RBFOX1: variants seen among roughly 807,000 people sequenced by gnomAD.
RBFOX1 encodes the protein RNA binding protein fox-1 homolog 1.
A neutral mutation model predicts 57.7 loss-of-function variants in RBFOX1; 8 were observed. That is an observed-to-expected ratio of 0.14 (90% CI 0.08 to 0.25). The LOEUF (loss-of-function observed/expected upper bound fraction) is 0.25, where lower values mean the gene tolerates loss of function less well. Ranked by LOEUF, RBFOX1 falls within the 10% of genes least tolerant of loss-of-function variation. RBFOX1 has a pLI of 1.00. For synonymous variants in RBFOX1, 326 were observed against 222.4 expected (o/e 1.47, Z -4.15); for missense variants, 611 against 548.5 (o/e 1.11, Z -1.14).
intron 1 of RBFOX1, among the ~76,000 whole-genome samples, chr16:6,286,245 C>T (rs920742690): frequency 6.6e-6 from 1 of 152,114 alleles, no homozygotes; most frequent in African/African-American, 2.4e-5. Context: ...CCAAAGGGCT[C>T]TGAATGCCAA....
chr16:5,922,665 A>T (rs1279821070), intron 4 of RBFOX1, among the ~76,000 whole-genome samples: 2 of 152,034 alleles, frequency 1.3e-5, no homozygotes, highest in Non-Finnish European at 2.9e-5. Context: ...GTAACCACCC[A>T]CCCTCATATA....
intron 4 of RBFOX1, among the ~76,000 whole-genome samples, chr16:7,324,979 C>G (rs960928373): frequency 1.3e-5 from 2 of 152,138 alleles, no homozygotes; most frequent in Non-Finnish European, 1.5e-5. Context: ...ATTCCTGGGT[C>G]TTAGTTTTTT....
intron 3 of RBFOX1, among the ~76,000 whole-genome samples, chr16:7,029,387 C>T (rs1177761419): frequency 6.6e-6 from 1 of 151,036 alleles, no homozygotes; most frequent in Non-Finnish European, 1.5e-5. Context: ...ATGCGTCACA[C>T]AGAAGAAACA....
intron 3 of RBFOX1, among the ~76,000 whole-genome samples, chr16:5,745,092 C>G (rs899671969): frequency 2.6e-5 from 4 of 152,198 alleles, no homozygotes; most frequent in Non-Finnish European, 4.4e-5. Context: ...ATCCCTCCCC[C>G]TTCCCCCACC....
intron 3 of RBFOX1, among the ~76,000 whole-genome samples, chr16:6,936,948 G>A (rs1234038246): frequency 2.6e-5 from 3 of 113,278 alleles, no homozygotes; most frequent in Non-Finnish European, 5.2e-5. Flanking sequence ...GTTGTGGGGT[G>A]GGGGGAGGGG....
intron 2 of RBFOX1, among the ~76,000 whole-genome samples, chr16:6,411,686 A>T (rs2093462559): frequency 3.3e-5 from 5 of 152,244 alleles, no homozygotes. Flanking sequence ...GTTACCTTGG[A>T]TGAGTCTAAC....
intron 3 of RBFOX1, among the ~76,000 whole-genome samples, chr16:6,824,997 T>TTTTTTTTTTTTTTTTTTTTG: frequency 9.0e-6 from 1 of 110,650 alleles, no homozygotes; most frequent in Non-Finnish European, 1.8e-5. Context: ...TTTTTTTTTT[T>TTTTTTTTTTTTTTTTTTTTG]TTTTTTTTTT....
chr16:7,291,936 T>A (rs1047286153), intron 4 of RBFOX1, among the ~76,000 whole-genome samples: 1 of 101,286 alleles, frequency 9.9e-6, no homozygotes, highest in East Asian at 3.0e-4. Flanking sequence ...GTATTTTATA[T>A]ATTATATATT....
intron 1 of RBFOX1, among the ~76,000 whole-genome samples, chr16:5,317,874 C>T (rs2064285344): frequency 6.6e-6 from 1 of 152,092 alleles, no homozygotes; most frequent in Admixed American, 6.5e-5. Flanking sequence ...TATTTATTTA[C>T]AAAATTTTTA....
At chr16:7,438,777 C>G (rs1198164293) in intron 4 of RBFOX1, among the ~76,000 whole-genome samples, 1 of 152,150 alleles carries the variant, frequency 6.6e-6, no homozygotes, top group South Asian at 2.1e-4. Flanking sequence ...GAGCGCCTGT[C>G]AATAATTCAA....
At chr16:6,827,852 C>T (rs2092343807) in intron 3 of RBFOX1, among the ~76,000 whole-genome samples, 1 of 152,208 alleles carries the variant, frequency 6.6e-6, no homozygotes, top group African/African-American at 2.4e-5. Context: ...TCCTTCTGTT[C>T]CCCCTCTTAG....
At chr16:7,702,621 G>C (rs72778521) in intron 14 of RBFOX1, among the ~76,000 whole-genome samples, 3 of 152,162 alleles carry the variant, frequency 2.0e-5, no homozygotes, top group African/African-American at 4.8e-5. Flanking sequence ...GAAGCCATGC[G>C]CCCTCCCCTT....
chr16:6,232,768 G>A (rs576109344), intron 1 of RBFOX1, among the ~76,000 whole-genome samples: 2 of 152,210 alleles, frequency 1.3e-5, no homozygotes, highest in South Asian at 2.1e-4. Flanking sequence ...CAGTGACCTC[G>A]AGGTCTTGCT....
intron 4 of RBFOX1, among the ~76,000 whole-genome samples, chr16:7,357,447 A>G (rs1206691386): frequency 2.0e-5 from 3 of 152,212 alleles, no homozygotes; most frequent in Non-Finnish European, 4.4e-5. Context: ...GGAACCATCC[A>G]GGTTTTTTCC....
intron 3 of RBFOX1, among the ~76,000 whole-genome samples, chr16:7,015,251 T>C (rs2153662412): frequency 6.6e-6 from 1 of 152,248 alleles, no homozygotes; most frequent in Admixed American, 6.5e-5. Context: ...GCTGAGGCTA[T>C]GGGTGAGCAT....
chr16:5,701,106 A>C (rs577462901), intron 3 of RBFOX1, among the ~76,000 whole-genome samples: 1 of 107,206 alleles, frequency 9.3e-6, no homozygotes, highest in East Asian at 2.0e-4. Flanking sequence ...TGATACCAGA[A>C]AATGCCTGTT....
intron 4 of RBFOX1, among the ~76,000 whole-genome samples, chr16:5,921,362 A>G (rs904700596): frequency 6.6e-6 from 1 of 152,138 alleles, no homozygotes. Context: ...TTTTGTATAA[A>G]TTACTTAAGA....
chr16:6,348,624 C>G (rs1299085772), intron 2 of RBFOX1, among the ~76,000 whole-genome samples: 2 of 152,268 alleles, frequency 1.3e-5, no homozygotes, highest in South Asian at 2.1e-4. Flanking sequence ...GGAGCTTTTA[C>G]TCATGACGGA....
In RBFOX1 at chr16:6,418,391, G is replaced by A. The variant is rs925629338; in HGVS notation, c.-64+101334G>A. On this transcript the variant is annotated intron_variant, in intron 2 of 15. Transcript: ENST00000550418. ...GCACATAATAAGAGCTGCTATTTGGGGAATATGTCTATAAACCTGGGAGTT... is the reference window on the plus strand; with the variant it reads ...GCACATAATAAGAGCTGCTATTTGGAGAATATGTCTATAAACCTGGGAGTT... 2.0e-4 allele frequency among the ~76,000 whole-genome samples: 31 copies of A among 152,186 alleles called. 1 individual carries two copies. Among genetic ancestry groups the A allele is most frequent in the Admixed American group, 2.0e-3 (31 of 15,280 alleles).
Sources: allele counts gnomAD v4.1 joint callset (sites outside exome capture counted in the v4.1 genomes callset), GRCh38; gene constraint gnomAD v4.1.1; transcripts MANE v1.5; gene names NCBI Gene and HGNC (gene_info 2026-07-23, HGNC 2026-07-21).